The following CRYGS variants were observed in gnomAD, a reference collection of about 807,000 sequenced individuals.
CRYGS encodes crystallin gamma S.
In CRYGS, 13 loss-of-function variants were observed where a neutral mutation model predicts 21.3. The observed-to-expected ratio is 0.61, with a 90% CI of 0.40 to 0.97. CRYGS has a LOEUF of 0.97. CRYGS is among the 50% of genes least tolerant of loss of function. CRYGS has a pLI of 0.00. For synonymous variants in CRYGS, 67 were observed against 75.0 expected (o/e 0.89, Z 0.55); for missense variants, 205 against 229.7 (o/e 0.89, Z 0.69).
chr3:186,538,850 TG>T lies in CRYGS; in HGVS notation c.382del (p.His128ThrfsTer73). 1.2e-6 allele frequency: 2 copies of T among 1,613,844 alleles called. No individual in the cohort carries two copies. Among genetic ancestry groups the T allele is most frequent in the Non-Finnish European group, 1.7e-6 (2 of 1,179,950 alleles). ...GACACCCTCCAGCACCTTACAGGAG[TG>T]GATCTCTCGCATGTGAAATTGCTCC... is the stretch of plus-strand genomic sequence containing the variant. ...IMEQFHMREI[H>X]SCKVLEGVWI... On this transcript the variant is annotated frameshift_variant, in exon 3 of 3. Transcript: ENST00000307944. LOFTEE classifies it high-confidence loss of function.
At chr3:186,539,054 C>T in intron 2 of CRYGS, 86 bp from the exon 3 acceptor site, 1 of 1,471,948 alleles carries the variant, frequency 6.8e-7, no homozygotes, top group Non-Finnish European at 9.4e-7. Context: ...TTGCTCAGAA[C>T]TTATCACCTT....
intron 1 of CRYGS, among the ~76,000 whole-genome samples, chr3:186,541,814 G>A (rs955267143): frequency 2.0e-5 from 3 of 152,112 alleles, no homozygotes; most frequent in Non-Finnish European, 4.4e-5. Context: ...CTGTCTTTCT[G>A]CCTGCCCAGT....
chr3:186,539,007 G>A, intron 2 of CRYGS, 39 bp from the exon 3 acceptor site: 3 of 1,609,468 alleles, frequency 1.9e-6, no homozygotes, highest in Non-Finnish European at 1.7e-6. Flanking sequence ...AAACCATTAT[G>A]GAAATCACCA....
chr3:186,538,525 G>A lies in CRYGS; in HGVS notation c.*171C>T. 1.3e-6 allele frequency: 1 copy of A among 748,840 alleles called. No homozygotes were observed. Among genetic ancestry groups the A allele is most frequent in the Non-Finnish European group, 2.2e-6 (1 of 458,720 alleles). 46.4% of individuals were successfully genotyped at this position (748,840 alleles called of 1,614,324 possible). ...TGATCTGGCAGATGGGTAGCTTTGTGTGACTGCCCACTGTGGCGAGCACTG... is the reference window on the plus strand; with the variant it reads ...TGATCTGGCAGATGGGTAGCTTTGTATGACTGCCCACTGTGGCGAGCACTG... On this transcript the variant is annotated 3_prime_UTR_variant, in exon 3 of 3. Transcript: ENST00000307944.
At chr3:186,543,078 A>G (rs565864767) in intron 1 of CRYGS, among the ~76,000 whole-genome samples, 6 of 152,330 alleles carry the variant, frequency 3.9e-5, no homozygotes, top group Admixed American at 3.9e-4. Flanking sequence ...TTCTTGCCAA[A>G]TATATTTATT....
rs762968299 is a variant in CRYGS at position 186,544,338 on chromosome 3, A to G, written c.-12T>C. On this transcript the variant is annotated 5_prime_UTR_variant, in exon 1 of 3. Transcript: ENST00000307944. ...CCAGTTTTAGACATTTTTGGTGCAT[A>G]GACTGGTTTTCCCAGTGCTGAAAGA... 3.0e-5 allele frequency: 48 copies of G among 1,598,052 alleles called. 2 individuals carry two copies. The Middle Eastern group carries it at 2.3e-3, about 77-fold the overall frequency.
chr3:186,542,295 C>A (rs1714088328), intron 1 of CRYGS, among the ~76,000 whole-genome samples: 1 of 152,186 alleles, frequency 6.6e-6, no homozygotes. Context: ...CAGTGGGAGA[C>A]CTTCTATATC....
At chr3:186,539,064 TGA>T (rs756307464) in intron 2 of CRYGS, 96 bp from the exon 3 acceptor site, 5 of 1,410,146 alleles carry the variant, frequency 3.5e-6, no homozygotes, top group Admixed American at 1.9e-5. Flanking sequence ...CTTATCACCT[TGA>T]AAGCTAGATG....
At chr3:186,539,212 T>C in intron 2 of CRYGS, 143 bp downstream of exon 2, 1 of 1,187,102 alleles carries the variant, frequency 8.4e-7, no homozygotes, top group Non-Finnish European at 1.2e-6. Flanking sequence ...TGAGCTGCTC[T>C]AAGATGTTAC....
In CRYGS at chr3:186,544,309, G is replaced by C. The variant is rs771855592; in HGVS notation, c.18C>G (p.Thr6=). The change falls in exon 1 of 3, where the codon ACC becomes ACG. Residue 6 remains threonine, a synonymous_variant. Coordinates refer to ENST00000307944, the MANE Select transcript of CRYGS (RefSeq NM_017541.4). MSKTG[T]KITFYEDKNF... ...AAAAATCAATATGACTACTTACCTT[G>C]GTTCCAGTTTTAGACATTTTTGGTG... The C allele has an allele frequency of 1.2e-6, 2 of 1,603,512 alleles. No homozygotes were observed. Among genetic ancestry groups the C allele is most frequent in the East Asian group, 2.2e-5 (1 of 44,808 alleles).
chr3:186,539,358 A>G lies in CRYGS; in HGVS notation c.261T>C (p.His87=). ...NDRLSSCRAV[H]LPSGGQYKIQ... ...AGTACACAGTCCCCAGACTCACCAG[A>G]TGAACAGCTCTGCAGGAGCTGAGGC... Residue 87 remains histidine (H), a synonymous_variant, in exon 2 of 3, where the codon CAT becomes CAC. Transcript: ENST00000307944. 1 of 1,612,176 alleles carries G rather than the reference A, an allele frequency of 6.2e-7. No homozygotes were observed. Among genetic ancestry groups the G allele is most frequent in the Non-Finnish European group, 8.5e-7 (1 of 1,179,998 alleles).
chr3:186,539,484 GCCT>G lies in CRYGS; in HGVS notation c.132_134del (p.Gly45del). On this transcript the variant is annotated inframe_deletion, in exon 2 of 3. Transcript: ENST00000307944. ...TGGGCCTTTCATAAACAGCCCAGGT[GCCT>G]CCTTCCACTTTAATGGAGTTGCAGC... 1 of 1,613,688 alleles carries G rather than the reference GCCT, an allele frequency of 6.2e-7. No homozygotes were observed.
chr3:186,541,845 G>C (rs919971286), intron 1 of CRYGS, among the ~76,000 whole-genome samples: 8 of 152,214 alleles, frequency 5.3e-5, no homozygotes, highest in Non-Finnish European at 1.2e-4. Flanking sequence ...TAACATGGCA[G>C]CACTTACTCT....
intron 1 of CRYGS, among the ~76,000 whole-genome samples, chr3:186,541,990 G>A (rs1157191600): frequency 6.6e-6 from 1 of 152,118 alleles, no homozygotes; most frequent in Admixed American, 6.5e-5. Flanking sequence ...TGTTCTATTT[G>A]CCTTTGGTTT....
At position 186,539,476 on chromosome 3, in the gene CRYGS, G is replaced by A; in HGVS notation, c.143C>T (p.Ala48Val). Residue 48 changes from alanine to valine, a missense_variant, in exon 2 of 3, where the codon GCT (alanine) becomes GTT (valine). Transcript: ENST00000307944. ...AGCAAAGTTGGGCCTTTCATAAACA[G>A]CCCAGGTGCCTCCTTCCACTTTAAT... ...NSIKVEGGTW[A>V]VYERPNFAGY... The A allele has an allele frequency of 6.2e-7, 1 of 1,613,480 alleles. No individual in the cohort carries two copies. Among genetic ancestry groups the A allele is most frequent in the South Asian group, 1.1e-5 (1 of 91,042 alleles).
At chr3:186,543,075 CAAAT>C (rs1394770294) in intron 1 of CRYGS, among the ~76,000 whole-genome samples, 2 of 152,048 alleles carry the variant, frequency 1.3e-5, no homozygotes, top group African/African-American at 4.8e-5. Context: ...GCTTTCTTGC[CAAAT>C]ATATTTATTC....
chr3:186,539,934 C>T (rs1714020235), intron 1 of CRYGS: 2 of 294,032 alleles, frequency 6.8e-6, no homozygotes, highest in Non-Finnish European at 1.3e-5. Flanking sequence ...TATATGTCTA[C>T]CCCTCCCACC....
At chr3:186,539,733 C>A in intron 1 of CRYGS, 136 bp from the exon 2 acceptor site, 1 of 993,186 alleles carries the variant, frequency 1.0e-6, no homozygotes, top group South Asian at 1.6e-5. Flanking sequence ...CTGTACGTCA[C>A]CTTACAACAT....
intron 1 of CRYGS, among the ~76,000 whole-genome samples, chr3:186,543,387 G>A (rs765740263): frequency 6.6e-6 from 1 of 152,072 alleles, no homozygotes; most frequent in Non-Finnish European, 1.5e-5. Context: ...GATAACTCTT[G>A]GGGACATGCT....
Sources: gnomAD v4.1 joint callset for allele counts (sites outside exome capture counted in the v4.1 genomes callset) on GRCh38, gnomAD v4.1.1 for gene constraint, MANE v1.5 for transcripts, NCBI Gene and HGNC (gene_info 2026-07-23, HGNC 2026-07-21) for gene names.